The following C1S variants were observed in gnomAD, a reference collection of about 807,000 sequenced individuals.
C1S encodes complement C1s.
C1S carries 31 observed loss-of-function variants against 54.0 expected under a neutral mutation model. The observed-to-expected ratio is 0.57, with a 90% CI of 0.43 to 0.78. The LOEUF (loss-of-function observed/expected upper bound fraction) is 0.78, where lower values mean the gene tolerates loss of function less well. C1S is among the 30% of genes least tolerant of loss of function. C1S has a pLI of 0.00. For missense variants in C1S, 727 were observed against 851.8 expected, an observed-to-expected ratio of 0.85 and a Z score of 1.82; for synonymous variants, 292 against 303.6, an observed-to-expected ratio of 0.96 and a Z score of 0.40.
In C1S at chr12:7,067,900, T is replaced by TG. The variant is rs1247516363; in HGVS notation, c.1195+131dup. 3.3e-5 allele frequency: 33 copies of TG among 1,010,724 alleles called. 1 individual carries two copies. In the Admixed American group the frequency reaches 4.7e-4, roughly 14 times the overall value. The allele number at this position is 1,010,724 out of a possible 1,614,324, so 62.6% of individuals were successfully genotyped here. On this transcript the variant is annotated intron_variant, in intron 10 of 11. Transcript: ENST00000360817. ...ATAGGACAGACATTGTTCATCCCCT[T>TG]GGCTTCGTCCAAAGATACAGTTTTC...
rs782020836 is a variant in C1S, at chr12:7,065,303, C to T, written c.717+4C>T. ...AAACTGCCTTGACAGTTTAGTTGTGCGTGATGGTTGATTAATACCCCACCC... is the reference window on the plus strand; with the variant it reads ...AAACTGCCTTGACAGTTTAGTTGTGTGTGATGGTTGATTAATACCCCACCC... On this transcript the variant is annotated splice_donor_region_variant and intron_variant, in intron 6 of 11. Transcript: ENST00000360817. The T allele has an allele frequency of 1.2e-5, 19 of 1,607,634 alleles. No homozygotes were observed. Among genetic ancestry groups the T allele is most frequent in the South Asian group, 3.3e-5 (3 of 90,940 alleles).
In C1S at chr12:7,062,916, G is replaced by T; in HGVS notation, c.240G>T (p.Gly80=). The part of the protein sequence containing the change: ...VQIISGDTEE[G]RLCGQRSSNN... ...TAATCTCAGGAGACACTGAAGAAGG[G>T]AGGCTCTGTGGACAGAGGAGCAGTA... is the stretch of plus-strand genomic sequence containing the variant. Residue 80 remains glycine, a synonymous_variant, in exon 4 of 12, where the codon GGG becomes GGT. Transcript: ENST00000360817. The T allele has an allele frequency of 6.2e-7, 1 of 1,614,078 alleles. No individual in the cohort carries two copies. The highest frequency in any genetic ancestry group is 8.5e-7 in the Non-Finnish European group (1 of 1,180,016).
At chr12:7,065,320 A>G in intron 6 of C1S, 21 bp downstream of exon 6, 1 of 1,575,866 alleles carries the variant, frequency 6.3e-7, no homozygotes, top group South Asian at 1.1e-5. Flanking sequence ...GTTGATTAAT[A>G]CCCCACCCTT....
chr12:7,064,432 T>C (rs782285365), intron 5 of C1S, 40 bp downstream of exon 5: 6 of 1,613,596 alleles, frequency 3.7e-6, no homozygotes, highest in Non-Finnish European at 5.1e-6. Flanking sequence ...TCCCTGGGAT[T>C]TGGAATGGCT....
Position 7,070,686 on chromosome 12 carries a change from T to C in C1S, c.*35T>C. The C allele has an allele frequency of 6.6e-7, 1 of 1,520,138 alleles. No homozygotes were observed. Among genetic ancestry groups the C allele is most frequent in the Non-Finnish European group, 9.1e-7 (1 of 1,095,524 alleles). 94.2% of individuals were successfully genotyped at this position (1,520,138 alleles called of 1,614,324 possible). A position where few individuals can be genotyped will look rare whatever the true frequency, so the allele number is the denominator to read the frequency against. Reference sequence around the variant, plus strand: ...ATCCCACCAGCCTCTCCAAGGGTGGTGACCAATGCATTACCTTCTGTTCCT... The same window carrying C: ...ATCCCACCAGCCTCTCCAAGGGTGGCGACCAATGCATTACCTTCTGTTCCT... On this transcript the variant is annotated 3_prime_UTR_variant, in exon 12 of 12. Coordinates refer to ENST00000360817, the MANE Select transcript of C1S (RefSeq NM_001734.5). This position sits in a 1 kb window ranked among gnomAD's most constrained non-coding sequence, Gnocchi z 4.9.
At chr12:7,063,961 A>G (rs1311192234) in intron 4 of C1S, 1 of 482,740 alleles carries the variant, frequency 2.1e-6, no homozygotes, top group Admixed American at 2.3e-5. Flanking sequence ...CTTGCTTGAA[A>G]ATGTGGAGGT....
intron 11 of C1S, among the ~76,000 whole-genome samples, chr12:7,069,187 C>T (rs140695013): frequency 2.6e-5 from 4 of 152,294 alleles, no homozygotes; most frequent in Admixed American, 6.5e-5. Flanking sequence ...AAGTTCACAG[C>T]CCATTGTGCT....
At chr12:7,065,377 A>G in intron 6 of C1S, 78 bp downstream of exon 6, 1 of 1,040,980 alleles carries the variant, frequency 9.6e-7, no homozygotes. Flanking sequence ...TTTTTTTCAT[A>G]CAGCATCTTT....
intron 6 of C1S, 57 bp downstream of exon 6, chr12:7,065,356 G>GTGT: frequency 7.2e-7 from 1 of 1,380,442 alleles, no homozygotes; most frequent in Non-Finnish European, 1.0e-6. Flanking sequence ...ATCTCTCCCT[G>GTGT]AAGACAAATT....
Position 7,063,062 on chromosome 12 carries a change from C to T in C1S, c.386C>T (p.Ala129Val), listed in dbSNP as rs1555161526. ...ACGGGGTTTGCTGCATACTATGTTG[C>T]CACAGGTAAGGCTCACCCTTCTGCA... ...RFTGFAAYYVATDINECTDFV... is the reference protein window; with the variant it reads ...RFTGFAAYYVVTDINECTDFV... Residue 129 changes from alanine (A) to valine (V), a missense_variant, in exon 4 of 12, where the codon GCC becomes GTC. By Grantham distance (64) the Ala-to-Val change is moderately conservative. Coordinates refer to ENST00000360817, the MANE Select transcript of C1S (RefSeq NM_001734.5). 6.2e-6 allele frequency: 10 copies of T among 1,612,898 alleles called. No individual in the cohort carries two copies. In the South Asian group the frequency reaches 8.8e-5, roughly 14 times the overall value.
chr12:7,063,516 G>A (rs1947127858), intron 4 of C1S: 1 of 351,074 alleles, frequency 2.8e-6, no homozygotes, highest in African/African-American at 2.1e-5. Flanking sequence ...CAAATTCTGG[G>A]TACTTCTGTA....
At chr12:7,062,173 A>AG (rs782112797) in intron 2 of C1S, 195 of 547,218 alleles carry the variant, frequency 3.6e-4, no homozygotes, top group African/African-American at 3.4e-3. Flanking sequence ...CAAAAGGCTG[A>AG]GGTGGTAGAA....
Position 7,070,114 on chromosome 12 carries a change from T to G in C1S, c.1530T>G (p.Ile510Met). The G allele has an allele frequency of 6.2e-7, 1 of 1,614,210 alleles. No individual in the cohort carries two copies. ...TGCTCACTCCTGAGCATGTGTTTAT[T>G]CATCCGGGATGGAAGCTGCTGGAAG... Reference protein sequence around the residue: ...SKMLTPEHVFIHPGWKLLEVP... With the variant: ...SKMLTPEHVFMHPGWKLLEVP... The change falls in exon 12 of 12, where the codon ATT becomes ATG. Residue 510 changes from isoleucine (I) to methionine (M), a missense_variant. This residue lies in a region of C1S where 360 missense variants were observed against 453.6 expected (regional missense o/e 0.79). Coordinates refer to ENST00000360817, the MANE Select transcript of C1S (RefSeq NM_001734.5). This position sits in a 1 kb window ranked among gnomAD's most constrained non-coding sequence, Gnocchi z 4.9.
In C1S at chr12:7,065,955, C is replaced by T. The variant is rs781853358; in HGVS notation, c.856C>T (p.Arg286Cys). The T allele has an allele frequency of 1.7e-5, 28 of 1,613,820 alleles. No homozygotes were observed. The East Asian group carries it at 4.7e-4, about 27-fold the overall frequency. Residue 286 changes from arginine (R) to cysteine (C), a missense_variant, in exon 7 of 12, where the codon CGC becomes TGC. Around this residue, in one of 3 missense-constraint regions of C1S, gnomAD observed 357 missense variants for 365.4 expected, o/e 0.98. Transcript: ENST00000360817. ...LTGQKKGWKL[R>C]YHGDPMPCPK... ...AGGGCAAAAAAAGGGCTGGAAACTT[C>T]GCTATCATGGAGATCGTGAGTAACT...
At chr12:7,068,831 T>C (rs2135728334) in intron 11 of C1S, 2 of 425,272 alleles carry the variant, frequency 4.7e-6, no homozygotes, top group South Asian at 6.2e-5. Context: ...AAGCTGAGAG[T>C]GTGTGAGTAA....
intron 10 of C1S, 39 bp downstream of exon 10, chr12:7,067,810 G>A (rs1555162556): frequency 6.3e-7 from 1 of 1,599,018 alleles, no homozygotes; most frequent in Admixed American, 1.7e-5. Flanking sequence ...GAGAGAGTGA[G>A]AAGGTGTTGG....
intron 1 of C1S, 63 bp downstream of exon 1, chr12:7,060,940 C>G (rs1482712288): frequency 6.6e-6 from 1 of 152,306 alleles, no homozygotes; most frequent in Non-Finnish European, 1.5e-5. Flanking sequence ...CAGAAAACTT[C>G]ACGTAGGAGG....
intron 1 of C1S, 200 bp from the exon 2 acceptor site, chr12:7,061,639 T>A (rs1400558133): frequency 3.7e-6 from 2 of 546,244 alleles, no homozygotes; most frequent in East Asian, 3.2e-5. Flanking sequence ...GAGGGAAGGA[T>A]ACAATTTAGC....
rs782278373 is a variant in C1S, at chr12:7,064,295, T to A, written c.420T>A (p.Asp140Glu). The A allele has an allele frequency of 1.2e-6, 2 of 1,613,932 alleles. No individual in the cohort carries two copies. The highest frequency in any genetic ancestry group is 2.7e-5 in the African/African-American group (2 of 74,910). The change falls in exon 5 of 12, where the codon GAT (aspartate) becomes GAA (glutamate). Residue 140 changes from aspartate (D) to glutamate (E), a missense_variant. By Grantham distance (45) the Asp-to-Glu change is conservative. Around this residue, in one of 3 missense-constraint regions of C1S, gnomAD observed 357 missense variants for 365.4 expected, o/e 0.98. Transcript: ENST00000360817. ...TAAATGAATGCACAGATTTTGTAGATGTCCCTTGTAGCCACTTCTGCAACA... is the reference window on the plus strand; with the variant it reads ...TAAATGAATGCACAGATTTTGTAGAAGTCCCTTGTAGCCACTTCTGCAACA... ...TDINECTDFVDVPCSHFCNNF... is the reference protein window; with the variant it reads ...TDINECTDFVEVPCSHFCNNF...
Sources: gnomAD v4.1 joint callset for allele counts (sites outside exome capture counted in the v4.1 genomes callset) on GRCh38, gnomAD v4.1.1 for gene constraint, gnomAD v4.1.1 regional missense constraint, Gnocchi (gnomAD v3.1) non-coding constraint, MANE v1.5 for transcripts, NCBI Gene and HGNC (gene_info 2026-07-23, HGNC 2026-07-21) for gene names.